RPS6KA2: variants seen among roughly 807,000 people sequenced by gnomAD.
RPS6KA2 encodes the protein ribosomal protein S6 kinase A2, also known as ribosomal protein S6 kinase alpha-2.
RPS6KA2 carries 42 observed loss-of-function variants against 91.8 expected under a neutral mutation model. That is an observed-to-expected ratio of 0.46 (90% confidence interval 0.36 to 0.59). The LOEUF (loss-of-function observed/expected upper bound fraction) is 0.59. Among genes scored for constraint, RPS6KA2 ranks in the 20% least tolerant of loss-of-function variants. RPS6KA2 has a pLI of 0.00. For synonymous variants in RPS6KA2, 414 were observed against 393.6 expected (o/e 1.05, Z -0.61); for missense variants, 798 against 978.5 (o/e 0.82, Z 2.46).
intron 19 of RPS6KA2, 67 bp from the exon 20 acceptor site, chr6:166,413,998 C>A (rs1166888396): frequency 1.4e-6 from 2 of 1,475,270 alleles, no homozygotes; most frequent in African/African-American, 1.4e-5. Flanking sequence ...GAGAGCCTCC[C>A]CAGCAGAACT....
chr6:166,758,171 G>T (rs938749396), intron 2 of RPS6KA2, among the ~76,000 whole-genome samples: 1 of 152,212 alleles, frequency 6.6e-6, no homozygotes, highest in African/African-American at 2.4e-5. Context: ...GGCGTAGGAG[G>T]AAGGTGAATG....
intron 1 of RPS6KA2, among the ~76,000 whole-genome samples, chr6:166,606,257 T>A (rs1168407701): frequency 2.6e-5 from 4 of 152,118 alleles, no homozygotes; most frequent in African/African-American, 9.7e-5. Flanking sequence ...GCACGAGAGG[T>A]AAAATGATTT....
chr6:166,562,627 A>C (rs1190489895), intron 1 of RPS6KA2, among the ~76,000 whole-genome samples: 2 of 152,238 alleles, frequency 1.3e-5, no homozygotes, highest in Admixed American at 6.5e-5. Context: ...AGCCTTGAGT[A>C]TGTCAAAGTA....
At chr6:166,707,864 C>T (rs1303066667) in intron 2 of RPS6KA2, among the ~76,000 whole-genome samples, 1 of 152,132 alleles carries the variant, frequency 6.6e-6, no homozygotes, top group African/African-American at 2.4e-5. Context: ...CCGCCTCAGC[C>T]TCCAGAGTAG....
At chr6:166,442,659 T>C (rs1475182803) in intron 14 of RPS6KA2, among the ~76,000 whole-genome samples, 1 of 152,204 alleles carries the variant, frequency 6.6e-6, no homozygotes, top group East Asian at 1.9e-4. Flanking sequence ...TTCCTCTTCA[T>C]ATGTGTACTG....
intron 12 of RPS6KA2, among the ~76,000 whole-genome samples, chr6:166,453,222 CACACACACAA>C (rs1290200007): frequency 6.8e-6 from 1 of 147,044 alleles, no homozygotes; most frequent in Non-Finnish European, 1.5e-5. Context: ...CACACACACA[CACACACACAA>C]AAAGGCTTTA....
chr6:166,508,258 T>C lies in RPS6KA2; in HGVS notation c.404A>G (p.Tyr135Cys), dbSNP rs1292756034. Residue 135 changes from tyrosine (Y) to cysteine (C), a missense_variant, in exon 5 of 21, where the codon TAC becomes TGC. Transcript: ENST00000265678. The surrounding 1 kb of genome is among the most constrained non-coding windows in gnomAD (Gnocchi z 4.3). ...TCCCCGCAGGAAGTCCAGGATCAGG[T>C]AGAGCTTTCCTTCCGTCTGAAAGGC... ...HYAFQTEGKL[Y>C]LILDFLRGGD... The C allele has an allele frequency of 6.2e-7, 1 of 1,613,304 alleles. No individual in the cohort carries two copies. Among genetic ancestry groups the C allele is most frequent in the Admixed American group, 1.7e-5 (1 of 60,008 alleles).
intron 2 of RPS6KA2, among the ~76,000 whole-genome samples, chr6:166,724,693 G>A (rs1000351883): frequency 1.3e-5 from 2 of 152,190 alleles, no homozygotes; most frequent in African/African-American, 2.4e-5. Flanking sequence ...ATTTGGCCTG[G>A]TTTCCTAGTC....
intron 2 of RPS6KA2, among the ~76,000 whole-genome samples, chr6:166,729,824 G>T (rs1228158204): frequency 3.3e-5 from 5 of 152,114 alleles, no homozygotes; most frequent in African/African-American, 1.2e-4. Context: ...ATATTCCCCT[G>T]TAACATAGTG....
intron 2 of RPS6KA2, among the ~76,000 whole-genome samples, chr6:166,674,583 C>G (rs1788567928): frequency 6.6e-6 from 1 of 152,166 alleles, no homozygotes; most frequent in Non-Finnish European, 1.5e-5. Context: ...GGAATGTGTT[C>G]AGAAGCTGTT....
At chr6:166,536,041 A>G (rs1353299082) in intron 2 of RPS6KA2, among the ~76,000 whole-genome samples, 1 of 152,262 alleles carries the variant, frequency 6.6e-6, no homozygotes, top group Non-Finnish European at 1.5e-5. Context: ...GTGCAGTCTG[A>G]GGTCAGGAGC....
At chr6:166,656,321 A>C (rs1464376609) in intron 2 of RPS6KA2, among the ~76,000 whole-genome samples, 2 of 152,186 alleles carry the variant, frequency 1.3e-5, no homozygotes, top group African/African-American at 4.8e-5. Flanking sequence ...GGGAGGAGAG[A>C]AACAAGAGAG....
chr6:166,790,117 A>G (rs1779043834), intron 2 of RPS6KA2, among the ~76,000 whole-genome samples: 2 of 152,200 alleles, frequency 1.3e-5, no homozygotes, highest in African/African-American at 4.8e-5. Flanking sequence ...ACTTTGAAAA[A>G]AAAATTAGAC....
chr6:166,538,723 G>C lies in RPS6KA2; in HGVS notation c.161C>G (p.Ala54Gly). The change falls in exon 2 of 21, where the codon GCA becomes GGA. Residue 54 changes from alanine to glycine, a missense_variant. Ala to Gly is a moderately conservative substitution (Grantham distance 60, BLOSUM62 0). Transcript: ENST00000265678. ...SHHVKEGFEK[A>G]DPSQFELLKV... ...CAGCAGCTCAAACTGGGAAGGATCTGCCTTCTCAAAGCCCTCCTTCACATG... is the reference window on the plus strand; with the variant it reads ...CAGCAGCTCAAACTGGGAAGGATCTCCCTTCTCAAAGCCCTCCTTCACATG... The C allele has an allele frequency of 6.2e-7, 1 of 1,612,320 alleles. No individual in the cohort carries two copies. The highest frequency in any genetic ancestry group is 8.5e-7 in the Non-Finnish European group (1 of 1,178,456).
intron 3 of RPS6KA2, among the ~76,000 whole-genome samples, chr6:166,514,051 G>C (rs1358390034): frequency 6.6e-6 from 1 of 152,194 alleles, no homozygotes; most frequent in Non-Finnish European, 1.5e-5. Context: ...AGGTGAACTG[G>C]AAAATAGGCC....
At position 166,726,815 on chromosome 6, in the gene RPS6KA2, C is replaced by A. The variant is rs1010809134; in HGVS notation, c.123+131385G>T. Among the ~76,000 whole-genome samples the A allele has an allele frequency of 6.6e-6, 1 of 152,180 alleles. No homozygotes were observed. Among genetic ancestry groups the A allele is most frequent in the African/African-American group, 2.4e-5 (1 of 41,444 alleles). The stretch of plus-strand genomic sequence containing the variant: ...GTGAGGAGTGTTTGGCAGATGAAAC[C>A]CCTCCACCAGGGAGGTGACGGGTCT... On this transcript the variant is annotated intron_variant, in intron 2 of 21. Transcript: ENST00000503859. The surrounding 1 kb of genome is among the most constrained non-coding windows in gnomAD (Gnocchi z 4.4).
In RPS6KA2 at chr6:166,770,370, C is replaced by T. The variant is rs541750532; in HGVS notation, c.123+87830G>A. 6.6e-5 allele frequency among the ~76,000 whole-genome samples: 10 copies of T among 152,196 alleles called. No individual in the cohort carries two copies. The highest frequency in any genetic ancestry group is 2.1e-4 in the South Asian group (1 of 4,826). The stretch of plus-strand genomic sequence containing the variant: ...CTAGAAAAGCTGTTGCTGAGCCACA[C>T]GCACTAGAGTCTGGAGGCTGGTCGG... On this transcript the variant is annotated intron_variant, in intron 2 of 21. Coordinates refer to the RPS6KA2 transcript ENST00000503859. This position sits in a 1 kb window ranked among gnomAD's most constrained non-coding sequence, Gnocchi z 5.1.
chr6:166,798,099 G>A (rs707768), intron 2 of RPS6KA2, among the ~76,000 whole-genome samples: 57,458 of 152,072 alleles, frequency 0.38, 12,491 homozygotes, highest in East Asian at 0.54. Context: ...TCGAATATGC[G>A]ATAATTTGTT....
rs2128528040 is a variant in RPS6KA2 at position 166,603,974 on chromosome 6, C to T, written c.99+22947G>A. On this transcript the variant is annotated intron_variant, in intron 1 of 20. Coordinates refer to ENST00000265678, the MANE Select transcript of RPS6KA2 (RefSeq NM_021135.6). This position sits in a 1 kb window ranked among gnomAD's most constrained non-coding sequence, Gnocchi z 4.3. ...CTTCTCCAACTCGTCCTAACGTGTC[C>T]CTCCTAGAAGTCACGAAGAGAAAAG... is the stretch of plus-strand genomic sequence containing the variant. Among the ~76,000 whole-genome samples, 1 of 152,138 alleles carries T rather than the reference C, an allele frequency of 6.6e-6. No homozygotes were observed. The highest frequency in any genetic ancestry group is 1.5e-5 in the Non-Finnish European group (1 of 67,994).
Sources: allele counts gnomAD v4.1 joint callset (sites outside exome capture counted in the v4.1 genomes callset), GRCh38; gene constraint gnomAD v4.1.1; non-coding constraint Gnocchi (gnomAD v3.1); transcripts MANE v1.5; gene names NCBI Gene and HGNC (gene_info 2026-07-23, HGNC 2026-07-21).